The following TRPM4 variants were observed in gnomAD, a reference collection of about 807,000 sequenced individuals.
The protein encoded by TRPM4 is calcium-activated non-selective cation channel 1.
Under a neutral mutation model 135.6 loss-of-function variants are expected in TRPM4, and 124 were observed. The ratio of observed to expected loss-of-function variants is 0.91; its 90% CI spans 0.79 to 1.06. The LOEUF (loss-of-function observed/expected upper bound fraction) is 1.06, where lower values mean the gene tolerates loss of function less well. TRPM4 is among the 50% of genes least tolerant of loss of function. TRPM4 has a pLI of 0.00. For missense variants in TRPM4, 1,658 were observed against 1,671.4 expected (o/e 0.99, Z 0.14); for synonymous variants, 745 against 705.6 (o/e 1.06, Z -0.88).
chr19:49,191,515 ATTTC>A (rs1317653844), intron 16 of TRPM4, among the ~76,000 whole-genome samples: 2 of 147,256 alleles, frequency 1.4e-5, no homozygotes, highest in African/African-American at 2.5e-5. Flanking sequence ...CAGGGATTAC[ATTTC>A]TTTCTTTCTT....
chr19:49,198,505 G>A (rs976260471), intron 17 of TRPM4, among the ~76,000 whole-genome samples: 2 of 151,786 alleles, frequency 1.3e-5, no homozygotes, highest in Non-Finnish European at 2.9e-5. Flanking sequence ...AAAATTAGCC[G>A]GGCATGGTGG....
At position 49,160,969 on chromosome 19, in the gene TRPM4, C is replaced by G. The variant is rs565083274; in HGVS notation, c.92+2710C>G. On this transcript the variant is annotated intron_variant, in intron 2 of 24. Coordinates refer to ENST00000252826, the MANE Select transcript of TRPM4 (RefSeq NM_017636.4). ...GGTGGATGGCTCCGGGACGTATGCT[C>G]TGCTGACTGGGACACAGTGGGGCTG... is the stretch of plus-strand genomic sequence containing the variant. Among the ~76,000 whole-genome samples the G allele has an allele frequency of 4.6e-5, 7 of 152,106 alleles. No individual in the cohort carries two copies. In the East Asian group the frequency reaches 1.4e-3, roughly 29 times the overall value.
Position 49,183,196 on chromosome 19 carries a change from T to C in TRPM4, c.1727T>C (p.Met576Thr), listed in dbSNP as rs371269743. The change falls in exon 12 of 25, where the codon ATG becomes ACG. Residue 576 changes from methionine to threonine, a missense_variant. By Grantham distance (81) the Met-to-Thr change is moderately conservative. Coordinates refer to ENST00000252826, the MANE Select transcript of TRPM4 (RefSeq NM_017636.4). The stretch of plus-strand genomic sequence containing the variant: ...TTGCTGAACAGGGCACAGATGGCCA[T>C]GTACTTCTGGGAGATGGTGAGTGCT... Reference protein sequence around the residue: ...ALLLNRAQMAMYFWEMGSNAV... With the variant: ...ALLLNRAQMATYFWEMGSNAV... The C allele has an allele frequency of 2.4e-5, 39 of 1,614,018 alleles. No homozygotes were observed. Among genetic ancestry groups the C allele is most frequent in the Non-Finnish European group, 3.1e-5 (37 of 1,180,040 alleles).
At chr19:49,182,057 T>TATCCATCCATCCATCCATCC (rs753427789) in intron 10 of TRPM4, among the ~76,000 whole-genome samples, 14 of 130,278 alleles carry the variant, frequency 1.1e-4, no homozygotes, top group Admixed American at 2.2e-4. Flanking sequence ...TCCATCCATT[T>TATCCATCCATCCATCCATCC]ATCCATCCAT....
At chr19:49,182,467 TCC>T (rs1968012380) in intron 10 of TRPM4, 109 bp from the exon 11 acceptor site, 1 of 414,808 alleles carries the variant, frequency 2.4e-6, no homozygotes, top group Non-Finnish European at 4.2e-6. Context: ...CATCCATCCA[TCC>T]ATCCATCCAT....
At chr19:49,199,253 G>T (rs752144456) in intron 17 of TRPM4, among the ~76,000 whole-genome samples, 102 of 81,166 alleles carry the variant, frequency 1.3e-3, no homozygotes, top group Non-Finnish European at 2.4e-3. Flanking sequence ...TTTTTTTTTG[G>T]TTTTTGTTTT....
chr19:49,170,837 T>G (rs1293537243), intron 6 of TRPM4, among the ~76,000 whole-genome samples: 2 of 152,290 alleles, frequency 1.3e-5, no homozygotes, highest in East Asian at 3.9e-4. Context: ...ATCCCAGCAC[T>G]TTGGGAGGCC....
intron 9 of TRPM4, among the ~76,000 whole-genome samples, chr19:49,175,609 G>T (rs185011078): frequency 7.7e-4 from 116 of 151,414 alleles, no homozygotes; most frequent in African/African-American, 2.8e-3. Context: ...ACCCATGTTT[G>T]TGGTGTGGTA....
intron 2 of TRPM4, among the ~76,000 whole-genome samples, chr19:49,163,668 T>C (rs772755758): frequency 6.6e-5 from 10 of 151,022 alleles, no homozygotes; most frequent in Non-Finnish European, 1.3e-4. Flanking sequence ...ATTAAAACAA[T>C]TTTTTTTGTA....
rs867713650 is a variant in TRPM4 at position 49,200,325 on chromosome 19, G to C, written c.2671G>C (p.Gly891Arg). 19 of 1,613,948 alleles carry C rather than the reference G, an allele frequency of 1.2e-5. No individual in the cohort carries two copies. The highest frequency in any genetic ancestry group is 1.6e-5 in the Non-Finnish European group (19 of 1,180,024). ...CRLTPGLYHL[G>R]RTVLCIDFMV... The stretch of plus-strand genomic sequence containing the variant: ...GCTGACCCCGGGTTTGTACCACCTG[G>C]GCCGCACTGTCCTCTGCATCGACTT... The change falls in exon 18 of 25, where the codon GGC becomes CGC. Residue 891 changes from glycine to arginine, a missense_variant. Physicochemically the swap from Gly to Arg is moderately radical, Grantham distance 125. Around this residue, in one of 3 missense-constraint regions of TRPM4, gnomAD observed 1,412 missense variants for 1,408.7 expected, o/e 1.00. Transcript: ENST00000252826.
In TRPM4 at chr19:49,211,661, CA is replaced by C; in HGVS notation, c.*166del. The stretch of plus-strand genomic sequence containing the variant: ...ACCACCTTTGGGAGTGTCATCCTTA[CA>C]AACCACAGCATGCCCGGCTCCTCCC... On this transcript the variant is annotated 3_prime_UTR_variant, in exon 25 of 25. Transcript: ENST00000252826. This position sits in a 1 kb window ranked among gnomAD's most constrained non-coding sequence, Gnocchi z 4.8. 1.1e-6 allele frequency: 1 copy of C among 883,578 alleles called. No individual in the cohort carries two copies. The highest frequency in any genetic ancestry group is 1.9e-6 in the Non-Finnish European group (1 of 534,948). 54.7% of individuals were successfully genotyped at this position (883,578 alleles called of 1,614,324 possible).
chr19:49,208,041 G>A (rs1969214091), intron 20 of TRPM4, among the ~76,000 whole-genome samples: 1 of 152,206 alleles, frequency 6.6e-6, no homozygotes, highest in Admixed American at 6.5e-5. Context: ...GCCCTTCCCT[G>A]TTAGGTAGCC....
chr19:49,179,004 C>A (rs1227656065), intron 9 of TRPM4, among the ~76,000 whole-genome samples: 1 of 151,846 alleles, frequency 6.6e-6, no homozygotes, highest in Admixed American at 6.6e-5. Context: ...ATGATCCACC[C>A]ATCTCGGCCT....
In TRPM4 at chr19:49,182,700, A is replaced by G. The variant is rs1301798938; in HGVS notation, c.1386A>G (p.Gln462=). 12 of 1,613,906 alleles carry G rather than the reference A, an allele frequency of 7.4e-6. No homozygotes were observed. Among genetic ancestry groups the G allele is most frequent in the Non-Finnish European group, 1.0e-5 (12 of 1,179,950 alleles). Residue 462 remains glutamine, a synonymous_variant, in exon 11 of 25, where the codon CAA becomes CAG. Coordinates refer to ENST00000252826, the MANE Select transcript of TRPM4 (RefSeq NM_017636.4). ...GHFLTPMRLA[Q]LYSAAPSNSL... ...TCCTGACCCCGATGCGCCTGGCCCAACTCTACAGCGCGGCGCCCTCCAACT... is the reference window on the plus strand; with the variant it reads ...TCCTGACCCCGATGCGCCTGGCCCAGCTCTACAGCGCGGCGCCCTCCAACT...
In TRPM4 at chr19:49,210,123, A is replaced by G. The variant is rs1969291157; in HGVS notation, c.3132-86A>G. ...GACTTCTGTCTGCTGCTATAGACTG[A>G]ACAATTATTGCCTGGCATCTAACCT... is the stretch of plus-strand genomic sequence containing the variant. On this transcript the variant is annotated intron_variant, in intron 20 of 24. Coordinates refer to ENST00000252826, the MANE Select transcript of TRPM4 (RefSeq NM_017636.4). This position sits in a 1 kb window ranked among gnomAD's most constrained non-coding sequence, Gnocchi z 4.1. 1 of 1,344,236 alleles carries G rather than the reference A, an allele frequency of 7.4e-7. No homozygotes were observed. The highest frequency in any genetic ancestry group is 1.1e-6 in the Non-Finnish European group (1 of 933,874). 83.3% of individuals were successfully genotyped at this position (1,344,236 alleles called of 1,614,324 possible).
In TRPM4 at chr19:49,210,284, C is replaced by T; in HGVS notation, c.3207C>T (p.Phe1069=). The T allele has an allele frequency of 6.2e-7, 1 of 1,614,254 alleles. No homozygotes were observed. The highest frequency in any genetic ancestry group is 8.5e-7 in the Non-Finnish European group (1 of 1,180,044). The change falls in exon 21 of 25, where the codon TTC becomes TTT. Residue 1069 remains phenylalanine, a synonymous_variant. Coordinates refer to ENST00000252826, the MANE Select transcript of TRPM4 (RefSeq NM_017636.4). This position sits in a 1 kb window ranked among gnomAD's most constrained non-coding sequence, Gnocchi z 4.1. Reference sequence around the variant, plus strand: ...AGCGTTACCGCCTCATCCGGGAATTCCACTCTCGGCCCGCGCTGGCCCCGC... The same window carrying T: ...AGCGTTACCGCCTCATCCGGGAATTTCACTCTCGGCCCGCGCTGGCCCCGC... ...KAQRYRLIRE[F]HSRPALAPPF...
chr19:49,183,775 CTTT>C (rs112249914), intron 12 of TRPM4, among the ~76,000 whole-genome samples: 1 of 124,180 alleles, frequency 8.1e-6, no homozygotes, highest in Non-Finnish European at 1.8e-5. Flanking sequence ...TTTTCTTTTT[CTTT>C]TTTTTTTTTT....
Position 49,168,615 on chromosome 19 carries a change from G to A in TRPM4, c.675G>A (p.Leu225=). 1 of 1,613,764 alleles carries A rather than the reference G, an allele frequency of 6.2e-7. No homozygotes were observed. The highest frequency in any genetic ancestry group is 8.5e-7 in the Non-Finnish European group (1 of 1,179,994). Residue 225 remains leucine, a synonymous_variant, in exon 6 of 25, where the codon CTG becomes CTA. Transcript: ENST00000252826. ...GDPEDGVQFP[L]DYNYSAFFLV... ...CGGAGGACGGGGTCCAGTTTCCCCT[G>A]GACTACAACTACTCGGCCTTCTTCC...
chr19:49,211,159 C>A lies in TRPM4; in HGVS notation c.3535-5C>A. On this transcript the variant is annotated splice_polypyrimidine_tract_variant and splice_region_variant and intron_variant, in intron 23 of 24. Coordinates refer to ENST00000252826, the MANE Select transcript of TRPM4 (RefSeq NM_017636.4). This position sits in a 1 kb window ranked among gnomAD's most constrained non-coding sequence, Gnocchi z 4.8. ...TCCCGCTCTGACATTCCTCCCATTC[C>A]GCAGGTCCAGCAGTGTAGCCGCGTC... The A allele has an allele frequency of 6.2e-7, 1 of 1,607,308 alleles. No homozygotes were observed. The highest frequency in any genetic ancestry group is 2.2e-5 in the East Asian group (1 of 44,550).
Sources: allele counts gnomAD v4.1 joint callset (sites outside exome capture counted in the v4.1 genomes callset), GRCh38; gene constraint gnomAD v4.1.1; regional missense constraint gnomAD v4.1.1; non-coding constraint Gnocchi (gnomAD v3.1); transcripts MANE v1.5; gene names NCBI Gene and HGNC (gene_info 2026-07-23, HGNC 2026-07-21).